The following FLRT2 variants were observed in gnomAD, a reference collection of about 807,000 sequenced individuals.
FLRT2 encodes leucine-rich repeat transmembrane protein FLRT2.
Under a neutral mutation model 40.0 loss-of-function variants are expected in FLRT2, and 15 were observed. That is an observed-to-expected ratio of 0.38 (90% CI 0.25 to 0.58). The LOEUF is 0.58. Among genes scored for constraint, FLRT2 ranks in the 20% least tolerant of loss-of-function variants. FLRT2 has a pLI of 0.71. For missense variants in FLRT2, 726 were observed against 840.0 expected, an observed-to-expected ratio of 0.86 and a Z score of 1.68; for synonymous variants, 380 against 336.8, an observed-to-expected ratio of 1.13 and a Z score of -1.41.
chr14:85,562,535 T>C (rs1890400096), intron 1 of FLRT2: 1 of 151,732 alleles, frequency 6.6e-6, no homozygotes, highest in South Asian at 2.1e-4. Context: ...GATGAGATAA[T>C]AGATCAGAAA....
Position 85,618,483 on chromosome 14 carries a change from G to A in FLRT2, c.-376-2656G>A, listed in dbSNP as rs879299175. On this transcript the variant is annotated intron_variant, in intron 1 of 1. Transcript: ENST00000330753. ...TAAATGTTTTACAAAAGTGGGCTCC[G>A]GTGATGACAAGTAACTCTTTAATGT... Among the ~76,000 whole-genome samples, 10 of 152,004 alleles carry A rather than the reference G, an allele frequency of 6.6e-5. No individual in the cohort carries two copies. The South Asian group carries it at 8.3e-4, about 13-fold the overall frequency.
At chr14:85,598,639 G>C (rs1366884623) in intron 1 of FLRT2, among the ~76,000 whole-genome samples, 3 of 152,120 alleles carry the variant, frequency 2.0e-5, no homozygotes, top group Non-Finnish European at 4.4e-5. Flanking sequence ...TTCTAAGTTG[G>C]ACCTCATAGG....
In FLRT2 at chr14:85,653,400, A is replaced by G. The variant is rs1894479766; in HGVS notation, c.*29903A>G. On this transcript the variant is annotated 3_prime_UTR_variant, in exon 2 of 2. Transcript: ENST00000330753. Reference sequence around the variant, plus strand: ...ATATCCGGAGGCTCTACGTCAAGTCATTGAACATGGATGGATGCTCCATTA... The same window carrying G: ...ATATCCGGAGGCTCTACGTCAAGTCGTTGAACATGGATGGATGCTCCATTA... 1 of 152,194 alleles carries G rather than the reference A, an allele frequency of 6.6e-6. No homozygotes were observed. 9.4% of individuals were successfully genotyped at this position (152,194 alleles called of 1,614,324 possible).
rs1893611249 is a variant in FLRT2, at chr14:85,624,995, A to C, written c.*1498A>C. Reference sequence around the variant, plus strand: ...CAATCTTATGTTAGCAGGACAACCCATGAAAAACAAGTCAGAGAGTGAAGG... The same window carrying C: ...CAATCTTATGTTAGCAGGACAACCCCTGAAAAACAAGTCAGAGAGTGAAGG... On this transcript the variant is annotated 3_prime_UTR_variant, in exon 2 of 2. Coordinates refer to ENST00000330753, the MANE Select transcript of FLRT2 (RefSeq NM_013231.6). 6.0e-6 allele frequency: 1 copy of C among 167,066 alleles called. No homozygotes were observed. Among genetic ancestry groups the C allele is most frequent in the Non-Finnish European group, 1.5e-5 (1 of 68,120 alleles). 10.3% of individuals were successfully genotyped at this position (167,066 alleles called of 1,614,324 possible).
intron 1 of FLRT2, among the ~76,000 whole-genome samples, chr14:85,599,829 A>G (rs1400653518): frequency 6.6e-6 from 1 of 152,188 alleles, no homozygotes; most frequent in Non-Finnish European, 1.5e-5. Flanking sequence ...TAACTTCCCC[A>G]AGGTCACATA....
intron 1 of FLRT2, among the ~76,000 whole-genome samples, chr14:85,536,794 T>C (rs575070466): frequency 2.0e-4 from 30 of 152,268 alleles, no homozygotes; most frequent in African/African-American, 6.7e-4. Flanking sequence ...TTAATTACAG[T>C]AATAAAAATG....
chr14:85,624,831 C>T lies in FLRT2; in HGVS notation c.*1334C>T, dbSNP rs555017171. 1 of 167,108 alleles carries T rather than the reference C, an allele frequency of 6.0e-6. No individual in the cohort carries two copies. The highest frequency in any genetic ancestry group is 2.4e-5 in the African/African-American group (1 of 41,546). The allele number at this position is 167,108 out of a possible 1,614,324, so 10.4% of individuals were successfully genotyped here. A position where few individuals can be genotyped will look rare whatever the true frequency, so the allele number is the denominator to read the frequency against. On this transcript the variant is annotated 3_prime_UTR_variant, in exon 2 of 2. Transcript: ENST00000330753. ...TCTGTAAGGACACATCAAAGCTGGC[C>T]AAAATAATGAATTTTTTTTAAAAAG...
intron 1 of FLRT2, among the ~76,000 whole-genome samples, chr14:85,558,804 A>G (rs1386588936): frequency 1.3e-5 from 2 of 152,170 alleles, no homozygotes; most frequent in East Asian, 1.9e-4. Context: ...TGTATCATGC[A>G]TATTTGACAT....
chr14:85,560,140 T>C (rs576816020), intron 1 of FLRT2, among the ~76,000 whole-genome samples: 58 of 152,344 alleles, frequency 3.8e-4, no homozygotes, highest in African/African-American at 1.2e-3. Context: ...GGTTCTTACA[T>C]GTCTCCAACT....
chr14:85,619,309 TC>T (rs1457641746), intron 1 of FLRT2, among the ~76,000 whole-genome samples: 3 of 152,142 alleles, frequency 2.0e-5, no homozygotes, highest in Admixed American at 1.3e-4. Context: ...GGTCTCGAAC[TC>T]CTGGGCTCAA....
chr14:85,570,881 G>T (rs956434409), intron 1 of FLRT2, among the ~76,000 whole-genome samples: 1 of 144,684 alleles, frequency 6.9e-6, no homozygotes, highest in Non-Finnish European at 1.6e-5. Flanking sequence ...CACCACGCCC[G>T]GCCAAATTCC....
chr14:85,614,514 C>T (rs1008433913), intron 1 of FLRT2, among the ~76,000 whole-genome samples: 4 of 152,156 alleles, frequency 2.6e-5, no homozygotes, highest in African/African-American at 4.8e-5. Flanking sequence ...AGATCAGACC[C>T]GGAAGAGAGA....
At position 85,649,832 on chromosome 14, in the gene FLRT2, A is replaced by G. The variant is rs186305248; in HGVS notation, c.*26335A>G. The G allele has an allele frequency of 2.7e-4, 41 of 152,212 alleles. No homozygotes were observed. The highest frequency in any genetic ancestry group is 9.1e-4 in the African/African-American group (38 of 41,564). 9.4% of individuals were successfully genotyped at this position (152,212 alleles called of 1,614,324 possible). On this transcript the variant is annotated 3_prime_UTR_variant, in exon 2 of 2. Coordinates refer to ENST00000330753, the MANE Select transcript of FLRT2 (RefSeq NM_013231.6). The stretch of plus-strand genomic sequence containing the variant: ...AAGGCAATAAATTATTTTTTAATGT[A>G]CATCTTATACACATAAAATACTTTC...
rs1222284205 is a variant in FLRT2 at position 85,621,127 on chromosome 14, T to G, written c.-376-12T>G. The G allele has an allele frequency of 1.4e-5, 3 of 214,660 alleles. No individual in the cohort carries two copies. The highest frequency in any genetic ancestry group is 4.6e-5 in the African/African-American group (2 of 43,576). 13.3% of individuals were successfully genotyped at this position (214,660 alleles called of 1,614,324 possible). A position where few individuals can be genotyped will look rare whatever the true frequency, so the allele number is the denominator to read the frequency against. Reference sequence around the variant, plus strand: ...TTTAACTGACCATTTCCTCTTTTCTTTCCTGCAACAGATTGCAGATTGAGC... The same window carrying G: ...TTTAACTGACCATTTCCTCTTTTCTGTCCTGCAACAGATTGCAGATTGAGC... On this transcript the variant is annotated splice_polypyrimidine_tract_variant and intron_variant, in intron 1 of 1. Transcript: ENST00000330753.
chr14:85,592,816 A>AAG (rs397714541), intron 1 of FLRT2, among the ~76,000 whole-genome samples: 2 of 149,926 alleles, frequency 1.3e-5, no homozygotes, highest in Non-Finnish European at 3.0e-5. Flanking sequence ...AAGAAAAAAA[A>AAG]GAAAACCTGG....
In FLRT2 at chr14:85,649,202, G is replaced by A. The variant is rs1392819500; in HGVS notation, c.*25705G>A. 2 of 149,568 alleles carry A rather than the reference G, an allele frequency of 1.3e-5. No homozygotes were observed. Among genetic ancestry groups the A allele is most frequent in the African/African-American group, 5.0e-5 (2 of 40,370 alleles). The allele number at this position is 149,568 out of a possible 1,614,324, so 9.3% of individuals were successfully genotyped here. On this transcript the variant is annotated 3_prime_UTR_variant, in exon 2 of 2. Transcript: ENST00000330753. The stretch of plus-strand genomic sequence containing the variant: ...CAAACTATTAATTTTCTTTTCTACA[G>A]TTTCCTCCAGAAAGCCCCTATGTAT...
rs763220077 is a variant in FLRT2 at position 85,629,374 on chromosome 14, T to G, written c.*5877T>G. The G allele has an allele frequency of 1.3e-5, 2 of 152,186 alleles. No individual in the cohort carries two copies. The highest frequency in any genetic ancestry group is 2.9e-5 in the Non-Finnish European group (2 of 68,022). 9.4% of individuals were successfully genotyped at this position (152,186 alleles called of 1,614,324 possible). ...CACCAAGTATTTGAAAACTTAGAAATTGTATTTCGTAATTACACATGCAGA... is the reference window on the plus strand; with the variant it reads ...CACCAAGTATTTGAAAACTTAGAAAGTGTATTTCGTAATTACACATGCAGA... On this transcript the variant is annotated 3_prime_UTR_variant, in exon 2 of 2. Transcript: ENST00000330753.
rs1566774402 is a variant in FLRT2, at chr14:85,643,299, C to CTTTA, written c.*19805_*19806insATTT. On this transcript the variant is annotated 3_prime_UTR_variant, in exon 2 of 2. Transcript: ENST00000330753. ...CAGAGGGTATTTCTTTTTTTTCTTT[C>CTTTA]TTTCTTTCTTTCTTTCTTTCTTTCT... 5 of 89,212 alleles carry CTTTA rather than the reference C, an allele frequency of 5.6e-5. No individual in the cohort carries two copies. In the Admixed American group the frequency reaches 5.6e-4, roughly 10 times the overall value. The allele number at this position is 89,212 out of a possible 1,614,324, so 5.5% of individuals were successfully genotyped here.
chr14:85,585,124 GC>G (rs1891558653), intron 1 of FLRT2, among the ~76,000 whole-genome samples: 1 of 152,094 alleles, frequency 6.6e-6, no homozygotes. Context: ...TAAAATGGTG[GC>G]CCTGATGACT....
Sources: allele counts gnomAD v4.1 joint callset (sites outside exome capture counted in the v4.1 genomes callset), GRCh38; gene constraint gnomAD v4.1.1; transcripts MANE v1.5; gene names NCBI Gene and HGNC (gene_info 2026-07-23, HGNC 2026-07-21).